The following SBF2 variants were observed in gnomAD, a reference collection of about 807,000 sequenced individuals.
SBF2 encodes myotubularin-related protein 13.
In SBF2, 112 loss-of-function variants were observed where a neutral mutation model predicts 225.2. The ratio of observed to expected loss-of-function variants is 0.50; its 90% CI spans 0.43 to 0.58. The LOEUF is 0.58. SBF2 is among the 20% of genes least tolerant of loss of function. SBF2 has a pLI of 0.00. For missense variants in SBF2, 1,996 were observed against 2,206.2 expected, an observed-to-expected ratio of 0.90 and a Z score of 1.91; for synonymous variants, 763 against 773.3, an observed-to-expected ratio of 0.99 and a Z score of 0.22.
intron 5 of SBF2, 102 bp downstream of exon 5, chr11:10,029,663 T>C: frequency 1.1e-6 from 1 of 910,320 alleles, no homozygotes. Flanking sequence ...AAAACAAAAA[T>C]ATTTAAAGAA....
chr11:10,173,464 A>G (rs1316742703), intron 2 of SBF2, among the ~76,000 whole-genome samples: 1 of 152,122 alleles, frequency 6.6e-6, no homozygotes, highest in East Asian at 1.9e-4. Context: ...GGCTTAAAAA[A>G]CGCCGCACCA....
chr11:9,946,442 TTTC>T (rs1485967418), intron 16 of SBF2, among the ~76,000 whole-genome samples: 1 of 146,996 alleles, frequency 6.8e-6, no homozygotes, highest in Non-Finnish European at 1.5e-5. Context: ...TCTTTTTTTC[TTTC>T]TTTCTTTCTT....
intron 32 of SBF2, among the ~76,000 whole-genome samples, chr11:9,799,273 T>A (rs1291110493): frequency 4.6e-5 from 7 of 152,202 alleles, no homozygotes; most frequent in Admixed American, 2.6e-4. Flanking sequence ...ACAAGCCCTC[T>A]ACAGTTATGC....
At chr11:9,961,361 C>T (rs1259824235) in intron 16 of SBF2, 1 of 152,166 alleles carries the variant, frequency 6.6e-6, no homozygotes. Context: ...AGGAACTTTA[C>T]ATTACCTCTC....
chr11:10,185,155 T>C (rs183659787), intron 2 of SBF2, among the ~76,000 whole-genome samples: 3 of 152,264 alleles, frequency 2.0e-5, no homozygotes, highest in Admixed American at 1.3e-4. Flanking sequence ...ACATCTCACT[T>C]GTCTATTCAT....
chr11:9,956,745 CAGAGAATGGTAGCGGAAATGT>C (rs1866199089), intron 16 of SBF2: 1 of 152,028 alleles, frequency 6.6e-6, no homozygotes, highest in Non-Finnish European at 1.5e-5. Context: ...ACACAAAAAC[CAGAGAATGGTAGCGGAAATGT>C]AGAGATAAAG....
At chr11:9,939,862 T>C (rs1335285039) in intron 16 of SBF2, among the ~76,000 whole-genome samples, 3 of 152,202 alleles carry the variant, frequency 2.0e-5, no homozygotes, top group Non-Finnish European at 4.4e-5. Context: ...AAAGAATGTC[T>C]GAAAGCCTCG....
chr11:10,095,914 G>T (rs1480372414), intron 2 of SBF2, among the ~76,000 whole-genome samples: 1 of 152,112 alleles, frequency 6.6e-6, no homozygotes, highest in Non-Finnish European at 1.5e-5. Context: ...GCTAACATCA[G>T]AAGAACATAC....
At chr11:9,785,560 T>G (rs1852317215) in intron 36 of SBF2, among the ~76,000 whole-genome samples, 2 of 152,160 alleles carry the variant, frequency 1.3e-5, no homozygotes, top group African/African-American at 4.8e-5. Flanking sequence ...TAGACAGCCA[T>G]TAAAAAATGA....
rs1435352990 is a variant in SBF2 at position 10,178,181 on chromosome 11, C to G, written c.141+15721G>C. ...CTGGATCCCTTCCTTACACCTTATACAAAAATCAATTCAAGATGGATTAAA... is the reference window on the plus strand; with the variant it reads ...CTGGATCCCTTCCTTACACCTTATAGAAAAATCAATTCAAGATGGATTAAA... On this transcript the variant is annotated intron_variant, in intron 2 of 39. Transcript: ENST00000256190. 2.1e-3 allele frequency among the ~76,000 whole-genome samples: 313 copies of G among 146,812 alleles called. 6 individuals are homozygous for G. Among genetic ancestry groups the G allele is most frequent in the Non-Finnish European group, 4.0e-3 (267 of 66,276 alleles).
chr11:9,820,370 A>G (rs1030331660), intron 28 of SBF2, among the ~76,000 whole-genome samples: 4 of 152,280 alleles, frequency 2.6e-5, no homozygotes, highest in Middle Eastern at 3.4e-3. Flanking sequence ...CTGGCTGATG[A>G]CAGACAGAGA....
At chr11:10,304,580 C>CT (rs1369461559) in exon 1 of SBF2, 1 of 151,992 alleles carries the variant, frequency 6.6e-6, no homozygotes, top group Non-Finnish European at 1.5e-5. Flanking sequence ...TGCCCCGGCC[C>CT]CTCCGCGGGA....
At chr11:10,031,999 C>G (rs1353386225) in intron 3 of SBF2, among the ~76,000 whole-genome samples, 1 of 152,146 alleles carries the variant, frequency 6.6e-6, no homozygotes, top group Admixed American at 6.5e-5. Context: ...CCTTATGCTT[C>G]CAAAGTGCTG....
Position 10,029,817 on chromosome 11 carries a change from C to T in SBF2, c.461G>A (p.Ser154Asn). ...YVDSLNVSLE[S>N]LIANLCACLV... Reference sequence around the variant, plus strand: ...GCAGGCACAAAGGTTTGCAATTAGACTTTCCAAGGAGACATTCAGGCTGTC... The same window carrying T: ...GCAGGCACAAAGGTTTGCAATTAGATTTTCCAAGGAGACATTCAGGCTGTC... Residue 154 changes from serine (S) to asparagine (N), a missense_variant, in exon 5 of 40, where the codon AGT (serine) becomes AAT (asparagine). Physicochemically the swap from Ser to Asn is conservative, Grantham distance 46. Coordinates refer to ENST00000256190, the MANE Select transcript of SBF2 (RefSeq NM_030962.4). 6.2e-7 allele frequency: 1 copy of T among 1,614,004 alleles called. No homozygotes were observed. Among genetic ancestry groups the T allele is most frequent in the Non-Finnish European group, 8.5e-7 (1 of 1,179,880 alleles).
intron 1 of SBF2, among the ~76,000 whole-genome samples, chr11:10,224,437 C>T (rs1958460668): frequency 6.6e-6 from 1 of 152,088 alleles, no homozygotes; most frequent in Admixed American, 6.6e-5. Flanking sequence ...ACTTCATTTG[C>T]TTCCCATTGC....
At chr11:9,815,892 G>A (rs1854430923) in intron 29 of SBF2, among the ~76,000 whole-genome samples, 1 of 152,198 alleles carries the variant, frequency 6.6e-6, no homozygotes, top group Admixed American at 6.5e-5. Flanking sequence ...CAGGCAGTGG[G>A]AGAAGAGCTA....
At chr11:10,297,407 G>A (rs1487680383), upstream of SBF2, among the ~76,000 whole-genome samples, 2 of 151,882 alleles carry the variant, frequency 1.3e-5, no homozygotes, top group African/African-American at 2.4e-5. Flanking sequence ...TTTTAATTTT[G>A]ATAAAGTCCA....
intron 2 of SBF2, among the ~76,000 whole-genome samples, chr11:10,044,009 T>A (rs1338324375): frequency 1.8e-4 from 27 of 151,966 alleles, no homozygotes; most frequent in Admixed American, 1.7e-3. Flanking sequence ...TATAGAAAAA[T>A]TTCTATCATT....
chr11:9,815,700 T>C (rs1213939051), intron 29 of SBF2, among the ~76,000 whole-genome samples: 1 of 152,220 alleles, frequency 6.6e-6, no homozygotes, highest in Admixed American at 6.5e-5. Context: ...ATGGAAAGTC[T>C]GTGCTCTGGA....
Sources: allele counts gnomAD v4.1 joint callset (sites outside exome capture counted in the v4.1 genomes callset), GRCh38; gene constraint gnomAD v4.1.1; transcripts MANE v1.5; gene names NCBI Gene and HGNC (gene_info 2026-07-23, HGNC 2026-07-21).